Variants in TBC1D20 observed in about 807,000 individuals in gnomAD.
TBC1D20 encodes the protein TBC1 domain family member 20, also known as chromosome 20 open reading frame 140.
TBC1D20 carries 12 observed loss-of-function variants against 41.6 expected under a neutral mutation model. That is an observed-to-expected ratio of 0.29 (90% CI 0.18 to 0.47). TBC1D20 has a LOEUF of 0.47. Ranked by LOEUF, TBC1D20 falls within the 20% of genes least tolerant of loss-of-function variation. The probability of loss-of-function intolerance (pLI) is 1.00; values close to 1 mark genes in which losing one functional copy is unlikely to be tolerated. For missense variants in TBC1D20, 421 were observed against 517.4 expected (o/e 0.81, Z 1.81); for synonymous variants, 205 against 204.8 (o/e 1.00, Z -0.01).
intron 3 of TBC1D20, among the ~76,000 whole-genome samples, chr20:443,526 T>C (rs530528814): frequency 3.3e-4 from 51 of 152,286 alleles, no homozygotes; most frequent in African/African-American, 1.1e-3. Flanking sequence ...GGACAAAGGA[T>C]TGCAGGTAAG....
At chr20:460,086 T>G (rs1378224040) in intron 1 of TBC1D20, among the ~76,000 whole-genome samples, 1 of 152,240 alleles carries the variant, frequency 6.6e-6, no homozygotes, top group Non-Finnish European at 1.5e-5. Flanking sequence ...TGGAATCTCG[T>G]GTGAGCGTAC....
intron 1 of TBC1D20, among the ~76,000 whole-genome samples, chr20:458,192 T>A (rs2017573802): frequency 6.6e-6 from 1 of 152,188 alleles, no homozygotes; most frequent in Non-Finnish European, 1.5e-5. Flanking sequence ...AAAAAACCAC[T>A]ATGCAGTCAA....
At chr20:457,228 A>G (rs1327643323) in intron 1 of TBC1D20, among the ~76,000 whole-genome samples, 1 of 151,964 alleles carries the variant, frequency 6.6e-6, no homozygotes, top group African/African-American at 2.4e-5. Flanking sequence ...GAGCCACCGC[A>G]TCTGGCCCTT....
At chr20:462,282 GC>G (rs1019481933) in intron 1 of TBC1D20, 53 bp downstream of exon 1, 351 of 1,197,764 alleles carry the variant, frequency 2.9e-4, no homozygotes, top group Non-Finnish European at 3.0e-4. Flanking sequence ...AGCTGCCCCT[GC>G]CCCCCGGGCC....
Position 441,921 on chromosome 20 carries a change from G to C in TBC1D20, c.460C>G (p.Leu154Val), listed in dbSNP as rs2017238694. The change falls in exon 4 of 8, where the codon CTG becomes GTG. Residue 154 changes from leucine to valine, a missense_variant. By Grantham distance (32) the Leu-to-Val change is conservative (BLOSUM62 1). Around this residue, in one of 3 missense-constraint regions of TBC1D20, gnomAD observed 110 missense variants for 183.5 expected, o/e 0.60. Coordinates refer to ENST00000354200, the MANE Select transcript of TBC1D20 (RefSeq NM_144628.4). ...GCCAGCCTCTCGCCTACCACCAGCA[G>C]AAATGTGACCACAATGTCATGGTAG... ...QGYHDIVVTF[L>V]LVVGERLATS... 6.2e-7 allele frequency: 1 copy of C among 1,614,012 alleles called. No homozygotes were observed. Among genetic ancestry groups the C allele is most frequent in the Admixed American group, 1.7e-5 (1 of 59,990 alleles).
chr20:451,901 C>T (rs939428041), intron 1 of TBC1D20, among the ~76,000 whole-genome samples: 17 of 152,244 alleles, frequency 1.1e-4, no homozygotes, highest in African/African-American at 3.9e-4. Flanking sequence ...ATCAGCATAA[C>T]CTGTAGAATC....
chr20:462,115 C>A (rs2017642530), intron 1 of TBC1D20, among the ~76,000 whole-genome samples: 2 of 152,214 alleles, frequency 1.3e-5, no homozygotes, highest in Non-Finnish European at 2.9e-5. Context: ...TGCCGCCAGG[C>A]TCCCTCGGGT....
rs11905195 is a variant in TBC1D20, at chr20:454,481, C to A, written c.71-6407G>T. ...TATGTAGTATATATTAGGTGCAAGG[C>A]ACCAGAGTTCATTTGAAGTGGAAGA... On this transcript the variant is annotated intron_variant, in intron 1 of 7. Coordinates refer to ENST00000354200, the MANE Select transcript of TBC1D20 (RefSeq NM_144628.4). Among the ~76,000 whole-genome samples, 1,421 of 152,008 alleles carry A rather than the reference C, an allele frequency of 9.3e-3. 20 individuals are homozygous for A. Among genetic ancestry groups the A allele is most frequent in the African/African-American group, 0.032 (1,342 of 41,448 alleles).
At position 439,547 on chromosome 20, in the gene TBC1D20, C is replaced by T. The variant is rs142461267; in HGVS notation, c.769-252G>A. The stretch of plus-strand genomic sequence containing the variant: ...CTGACCAGTTACAATCTAAGTCCTT[C>T]GGGCATGCTGGGCTGCTCAGGTGTC... On this transcript the variant is annotated intron_variant, in intron 6 of 7. Coordinates refer to ENST00000354200, the MANE Select transcript of TBC1D20 (RefSeq NM_144628.4). The surrounding 1 kb of genome is among the most constrained non-coding windows in gnomAD (Gnocchi z 4.6). Among the ~76,000 whole-genome samples, 55 of 152,304 alleles carry T rather than the reference C, an allele frequency of 3.6e-4. No homozygotes were observed. Among genetic ancestry groups the T allele is most frequent in the African/African-American group, 1.1e-3 (47 of 41,574 alleles).
intron 1 of TBC1D20, among the ~76,000 whole-genome samples, chr20:451,034 T>A (rs1050515996): frequency 3.3e-5 from 5 of 152,166 alleles, no homozygotes; most frequent in African/African-American, 1.2e-4. Flanking sequence ...CAAGAAATGT[T>A]ACACAAGACA....
intron 5 of TBC1D20, chr20:440,965 C>G (rs965453773): frequency 1.3e-5 from 2 of 153,628 alleles, no homozygotes; most frequent in African/African-American, 4.8e-5. Flanking sequence ...TGGCGCATGC[C>G]TGTAATCCCA....
Position 436,030 on chromosome 20 carries a change from CA to C in TBC1D20, c.*2555del, listed in dbSNP as rs1251573576. On this transcript the variant is annotated 3_prime_UTR_variant, in exon 8 of 8. Transcript: ENST00000354200. ...GGAGTGATGAACCAGGAACTGTGGA[CA>C]AAAACATCTACACACGTATAAAATA... is the stretch of plus-strand genomic sequence containing the variant. The C allele has an allele frequency of 6.6e-6, 1 of 152,230 alleles. No homozygotes were observed. Among genetic ancestry groups the C allele is most frequent in the Non-Finnish European group, 1.5e-5 (1 of 68,048 alleles). 9.4% of individuals were successfully genotyped at this position (152,230 alleles called of 1,614,324 possible).
At chr20:440,099 A>G in intron 6 of TBC1D20, 149 bp downstream of exon 6, 1 of 1,019,626 alleles carries the variant, frequency 9.8e-7, no homozygotes, top group Admixed American at 2.8e-5. Flanking sequence ...ACCCCCATTA[A>G]TACTGCACAG....
chr20:447,867 C>G lies in TBC1D20; in HGVS notation c.256+22G>C, dbSNP rs763980573. The G allele has an allele frequency of 3.2e-6, 5 of 1,580,772 alleles. No individual in the cohort carries two copies. In the Admixed American group the frequency reaches 5.1e-5, roughly 16 times the overall value. ...CTGTCTCCTAGATAAGCTCCCCTCA[C>G]AGCCTCCCCCACTCCCCTTACCTGA... is the stretch of plus-strand genomic sequence containing the variant. On this transcript the variant is annotated intron_variant, in intron 2 of 7. Transcript: ENST00000354200.
Position 462,424 on chromosome 20 carries a change from C to A in TBC1D20, c.-19G>T. 2 of 1,198,158 alleles carry A rather than the reference C, an allele frequency of 1.7e-6. No homozygotes were observed. The highest frequency in any genetic ancestry group is 2.9e-5 in the South Asian group (1 of 34,396). The allele number at this position is 1,198,158 out of a possible 1,614,324, so 74.2% of individuals were successfully genotyped here. A position where few individuals can be genotyped will look rare whatever the true frequency, so the allele number is the denominator to read the frequency against. On this transcript the variant is annotated 5_prime_UTR_variant, in exon 1 of 8. Transcript: ENST00000354200. ...GGGCCATGCCCCGGGGCCCCGGGCCCCCACCCGAGCCCCGGCTGGTGGCGG... is the reference window on the plus strand; with the variant it reads ...GGGCCATGCCCCGGGGCCCCGGGCCACCACCCGAGCCCCGGCTGGTGGCGG...
At chr20:447,493 A>C (rs2017358545) in intron 2 of TBC1D20, among the ~76,000 whole-genome samples, 1 of 151,700 alleles carries the variant, frequency 6.6e-6, no homozygotes, top group Non-Finnish European at 1.5e-5. Flanking sequence ...CCCCATCTCT[A>C]CTAAAAATAC....
At chr20:460,302 T>C (rs925927659) in intron 1 of TBC1D20, among the ~76,000 whole-genome samples, 3 of 152,036 alleles carry the variant, frequency 2.0e-5, no homozygotes, top group Non-Finnish European at 4.4e-5. Context: ...CTTGAAAATT[T>C]ATGCCTGTAG....
At chr20:457,285 C>T (rs552446867) in intron 1 of TBC1D20, among the ~76,000 whole-genome samples, 1 of 152,074 alleles carries the variant, frequency 6.6e-6, no homozygotes, top group Admixed American at 6.6e-5. Flanking sequence ...CACTCTGTTG[C>T]CTTGGCTGGA....
intron 1 of TBC1D20, among the ~76,000 whole-genome samples, chr20:452,502 A>T (rs1011352035): frequency 1.3e-5 from 2 of 152,162 alleles, no homozygotes; most frequent in African/African-American, 4.8e-5. Context: ...TGGTGGTCCC[A>T]GCTACTCAGG....
Sources: allele counts gnomAD v4.1 joint callset (sites outside exome capture counted in the v4.1 genomes callset), GRCh38; gene constraint gnomAD v4.1.1; regional missense constraint gnomAD v4.1.1; non-coding constraint Gnocchi (gnomAD v3.1); transcripts MANE v1.5; gene names NCBI Gene and HGNC (gene_info 2026-07-23, HGNC 2026-07-21).